DAB1: variants seen among roughly 807,000 people sequenced by gnomAD.
The protein encoded by DAB1 is DAB adaptor protein 1, also known as disabled homolog 1.
In DAB1, 15 loss-of-function variants were observed where a neutral mutation model predicts 64.6. The ratio of observed to expected loss-of-function variants is 0.23; its 90% CI spans 0.16 to 0.36. The LOEUF is 0.36. DAB1 is among the 10% of genes least tolerant of loss of function. DAB1 has a pLI of 1.00. For synonymous variants in DAB1, 235 were observed against 251.9 expected, an observed-to-expected ratio of 0.93 and a Z score of 0.64; for missense variants, 596 against 706.7, an observed-to-expected ratio of 0.84 and a Z score of 1.78.
chr1:57,448,076 T>C (rs1686215590), intron 7 of DAB1, among the ~76,000 whole-genome samples: 1 of 152,178 alleles, frequency 6.6e-6, no homozygotes, highest in Non-Finnish European at 1.5e-5. Context: ...CGATTGCTTC[T>C]GGGAAAATGT....
chr1:57,570,928 T>C (rs886298324), intron 7 of DAB1, among the ~76,000 whole-genome samples: 10 of 152,210 alleles, frequency 6.6e-5, no homozygotes, highest in Non-Finnish European at 1.3e-4. Flanking sequence ...TGGTTAGGTA[T>C]ATTCCTAAGT....
chr1:57,862,398 T>A (rs990920758), intron 1 of DAB1: 1 of 152,184 alleles, frequency 6.6e-6, no homozygotes. Context: ...TTTCTCATCA[T>A]TGAACTGAAA....
At chr1:57,856,880 C>T (rs1653779457) in intron 1 of DAB1, among the ~76,000 whole-genome samples, 1 of 152,182 alleles carries the variant, frequency 6.6e-6, no homozygotes, top group South Asian at 2.1e-4. Context: ...GTGAATGATA[C>T]ACTCAGGGTC....
At chr1:57,334,234 G>T (rs1676905773) in intron 1 of DAB1, among the ~76,000 whole-genome samples, 1 of 152,238 alleles carries the variant, frequency 6.6e-6, no homozygotes, top group Non-Finnish European at 1.5e-5. Context: ...TGGACTCCAA[G>T]CTCAGGACTC....
intron 7 of DAB1, among the ~76,000 whole-genome samples, chr1:57,447,154 G>A (rs1419264672): frequency 6.6e-6 from 1 of 152,168 alleles, no homozygotes; most frequent in African/African-American, 2.4e-5. Context: ...AATGCCCTGA[G>A]TCCTATAATA....
In DAB1 at chr1:57,838,181, C is replaced by G. The variant is rs144241652; in HGVS notation, n.88-11726G>C. On this transcript the variant is annotated intron_variant and non_coding_transcript_variant, in intron 1 of 1. Transcript: ENST00000477280. ...GTTCTAGGCCGCCTTATCCCTGTGC[C>G]CATGGAATATCACAGACTTATAAAA... 8.3e-3 allele frequency among the ~76,000 whole-genome samples: 1,266 copies of G among 152,094 alleles called. 17 individuals carry two copies. Among genetic ancestry groups the G allele is most frequent in the African/African-American group, 0.028 (1,146 of 41,448 alleles).
At chr1:58,424,359 C>A (rs1323010971) in intron 3 of DAB1, among the ~76,000 whole-genome samples, 1 of 152,196 alleles carries the variant, frequency 6.6e-6, no homozygotes, top group African/African-American at 2.4e-5. Flanking sequence ...AAAACACCAT[C>A]ATAAACACAC....
At chr1:58,158,790 G>A (rs1440137497) in intron 4 of DAB1, among the ~76,000 whole-genome samples, 1 of 152,176 alleles carries the variant, frequency 6.6e-6, no homozygotes, top group Admixed American at 6.5e-5. Context: ...GCCTCCTGCA[G>A]AGCCAGAAAG....
intron 4 of DAB1, among the ~76,000 whole-genome samples, chr1:58,236,597 A>G (rs1408521698): frequency 6.6e-6 from 1 of 152,252 alleles, no homozygotes; most frequent in Non-Finnish European, 1.5e-5. Context: ...AAGAGATTAT[A>G]TGTGTGCATA....
intron 7 of DAB1, among the ~76,000 whole-genome samples, chr1:57,574,747 T>A (rs1487953129): frequency 1.3e-5 from 2 of 152,196 alleles, no homozygotes; most frequent in Non-Finnish European, 2.9e-5. Context: ...TCCCACCTGT[T>A]GGTGGGGTTC....
intron 2 of DAB1, among the ~76,000 whole-genome samples, chr1:57,267,913 A>C (rs1329213536): frequency 3.9e-5 from 6 of 152,204 alleles, no homozygotes; most frequent in Non-Finnish European, 8.8e-5. Context: ...GTGGGAAAAC[A>C]ATTAAATATA....
chr1:57,976,193 C>T (rs566374914), intron 5 of DAB1, among the ~76,000 whole-genome samples: 176 of 152,280 alleles, frequency 1.2e-3, no homozygotes, highest in Non-Finnish European at 1.9e-3. Context: ...CTGGATTGCA[C>T]TCTGAAAGTT....
In DAB1 at chr1:57,212,055, C is replaced by G. The variant is rs546214336; in HGVS notation, c.68-66626G>C. Among the ~76,000 whole-genome samples the G allele has an allele frequency of 2.6e-5, 4 of 152,304 alleles. No individual in the cohort carries two copies. The East Asian group carries it at 7.7e-4, about 29-fold the overall frequency. ...ACTGTTGCTACAATAGACCTCTACA[C>G]AGGCAGAGCCAGAGAATGCATGCAT... On this transcript the variant is annotated intron_variant, in intron 2 of 14. Coordinates refer to ENST00000371236, the MANE Select transcript of DAB1 (RefSeq NM_001365792.1).
chr1:57,612,765 G>A (rs1248233041), intron 7 of DAB1, among the ~76,000 whole-genome samples: 1 of 152,084 alleles, frequency 6.6e-6, no homozygotes, highest in Non-Finnish European at 1.5e-5. Flanking sequence ...TTGCTATAGT[G>A]ACCACAGGAA....
intron 4 of DAB1, among the ~76,000 whole-genome samples, chr1:57,125,665 A>C (rs1657070065): frequency 6.6e-6 from 1 of 152,150 alleles, no homozygotes; most frequent in Non-Finnish European, 1.5e-5. Context: ...AATAAGACCA[A>C]AGGTTGAGAT....
chr1:57,121,554 A>AAAAAAG (rs573399402), intron 4 of DAB1, among the ~76,000 whole-genome samples: 25 of 151,774 alleles, frequency 1.6e-4, no homozygotes, highest in African/African-American at 5.1e-4. Context: ...TCACTGAATG[A>AAAAAAG]AAAAAGAAAA....
chr1:57,198,178 T>G (rs1239789591), intron 2 of DAB1, among the ~76,000 whole-genome samples: 1 of 152,212 alleles, frequency 6.6e-6, no homozygotes, highest in African/African-American at 2.4e-5. Context: ...CTAGCAGGCT[T>G]GGGTTTGAAA....
intron 2 of DAB1, among the ~76,000 whole-genome samples, chr1:57,175,955 C>T (rs1476287990): frequency 6.6e-6 from 1 of 152,152 alleles, no homozygotes. Context: ...TTTATTACCA[C>T]ATAGACAGAC....
intron 3 of DAB1, among the ~76,000 whole-genome samples, chr1:58,466,243 T>C (rs896246096): frequency 2.6e-5 from 4 of 152,106 alleles, no homozygotes; most frequent in Non-Finnish European, 5.9e-5. Context: ...CTTGCCAAAG[T>C]TTCCGTAGGA....
Sources: gnomAD v4.1 joint callset for allele counts (sites outside exome capture counted in the v4.1 genomes callset) on GRCh38, gnomAD v4.1.1 for gene constraint, MANE v1.5 for transcripts, NCBI Gene and HGNC (gene_info 2026-07-23, HGNC 2026-07-21) for gene names.